ST8SIA1: variants seen among roughly 807,000 people sequenced by gnomAD.
ST8SIA1 encodes the protein alpha-N-acetylneuraminide alpha-2,8-sialyltransferase.
ST8SIA1 carries 16 observed loss-of-function variants against 35.9 expected under a neutral mutation model. The observed-to-expected ratio is 0.45, with a 90% CI of 0.30 to 0.68. ST8SIA1 has a LOEUF of 0.68. ST8SIA1 is among the 30% of genes least tolerant of loss of function. ST8SIA1 has a pLI of 0.09. For synonymous variants in ST8SIA1, 170 were observed against 169.6 expected, an observed-to-expected ratio of 1.00 and a Z score of -0.02; for missense variants, 383 against 453.6, an observed-to-expected ratio of 0.84 and a Z score of 1.41.
chr12:22,239,716 C>T (rs1024027906), intron 4 of ST8SIA1, among the ~76,000 whole-genome samples: 6 of 152,102 alleles, frequency 3.9e-5, no homozygotes, highest in African/African-American at 9.7e-5. Context: ...TGAGTGTTTG[C>T]TTATGAGCTA....
chr12:22,284,417 T>C (rs1304511960), intron 2 of ST8SIA1, among the ~76,000 whole-genome samples: 2 of 152,174 alleles, frequency 1.3e-5, no homozygotes, highest in African/African-American at 4.8e-5. Flanking sequence ...ACTGGGAACA[T>C]AAATGAAGCG....
intron 2 of ST8SIA1, among the ~76,000 whole-genome samples, chr12:22,283,097 G>C (rs11612147): frequency 0.11 from 16,287 of 152,146 alleles, 1,117 homozygotes; most frequent in Middle Eastern, 0.24. Flanking sequence ...TCCAGGCTCA[G>C]TGGAACATGA....
chr12:22,220,381 A>T (rs1038853846), intron 4 of ST8SIA1, among the ~76,000 whole-genome samples: 6 of 152,174 alleles, frequency 3.9e-5, no homozygotes, highest in Admixed American at 3.9e-4. Flanking sequence ...GTGTTTAATA[A>T]ATGCATATTG....
intron 2 of ST8SIA1, among the ~76,000 whole-genome samples, chr12:22,269,248 TG>T (rs767821306): frequency 2.0e-4 from 31 of 152,108 alleles, no homozygotes; most frequent in Non-Finnish European, 3.5e-4. Flanking sequence ...AATACAGGGT[TG>T]TTTTTTTTTT....
chr12:22,254,266 C>A lies in ST8SIA1; in HGVS notation c.491+1014G>T, dbSNP rs116179352. 2.6e-3 allele frequency among the ~76,000 whole-genome samples: 389 copies of A among 152,212 alleles called. 4 individuals carry two copies. Among genetic ancestry groups the A allele is most frequent in the African/African-American group, 8.9e-3 (371 of 41,536 alleles). On this transcript the variant is annotated intron_variant, in intron 3 of 4. Coordinates refer to ENST00000396037, the MANE Select transcript of ST8SIA1 (RefSeq NM_003034.4). Reference sequence around the variant, plus strand: ...AACATGTCCACTCATCCCCGAGATACCCTGAGCTCTGAAATCTTGCCCTCC... The same window carrying A: ...AACATGTCCACTCATCCCCGAGATAACCTGAGCTCTGAAATCTTGCCCTCC...
chr12:22,289,497 C>A (rs536558109), intron 1 of ST8SIA1, among the ~76,000 whole-genome samples: 4 of 152,286 alleles, frequency 2.6e-5, no homozygotes, highest in African/African-American at 9.6e-5. Context: ...GCTGTGTAAA[C>A]ACTGGCCAAC....
intron 2 of ST8SIA1, among the ~76,000 whole-genome samples, chr12:22,270,080 T>C (rs1764541072): frequency 6.6e-6 from 1 of 152,160 alleles, no homozygotes; most frequent in African/African-American, 2.4e-5. Flanking sequence ...TTGTAGCATA[T>C]TACCTAATTT....
intron 3 of ST8SIA1, among the ~76,000 whole-genome samples, chr12:22,250,563 T>C (rs1865657294): frequency 1.3e-5 from 2 of 152,220 alleles, no homozygotes; most frequent in South Asian, 2.1e-4. Flanking sequence ...AACTTTTTAT[T>C]ACTTCAGTAA....
At position 22,198,853 on chromosome 12, in the gene ST8SIA1, G is replaced by C. The variant is rs1422582674; in HGVS notation, c.*2699C>G. 6.6e-6 allele frequency: 1 copy of C among 152,018 alleles called. No individual in the cohort carries two copies. Among genetic ancestry groups the C allele is most frequent in the Non-Finnish European group, 1.5e-5 (1 of 68,006 alleles). The allele number at this position is 152,018 out of a possible 1,614,324, so 9.4% of individuals were successfully genotyped here. A position where few individuals can be genotyped will look rare whatever the true frequency, so the allele number is the denominator to read the frequency against. On this transcript the variant is annotated 3_prime_UTR_variant, in exon 5 of 5. Coordinates refer to ENST00000396037, the MANE Select transcript of ST8SIA1 (RefSeq NM_003034.4). Reference sequence around the variant, plus strand: ...TTGTGCATTGTAAGATCTTTAGCAGGATCCCTAACCTCTACTAAGTACATG... The same window carrying C: ...TTGTGCATTGTAAGATCTTTAGCAGCATCCCTAACCTCTACTAAGTACATG...
At chr12:22,209,864 T>C (rs1214971097) in intron 4 of ST8SIA1, among the ~76,000 whole-genome samples, 3 of 152,226 alleles carry the variant, frequency 2.0e-5, no homozygotes, top group Admixed American at 6.6e-5. Flanking sequence ...AATATTTTAT[T>C]ACATATACAT....
At chr12:22,333,764 C>A in intron 1 of ST8SIA1, 1 of 731,876 alleles carries the variant, frequency 1.4e-6, no homozygotes, top group Non-Finnish European at 2.5e-6. Context: ...TGCGTCGAGT[C>A]TTTACATGCG....
intron 1 of ST8SIA1, among the ~76,000 whole-genome samples, chr12:22,310,513 G>A (rs1276414806): frequency 6.6e-6 from 1 of 152,142 alleles, no homozygotes; most frequent in Non-Finnish European, 1.5e-5. Context: ...CGATTGCCTA[G>A]AGACCATATG....
intron 2 of ST8SIA1, among the ~76,000 whole-genome samples, chr12:22,259,714 C>T (rs1319009974): frequency 1.3e-5 from 2 of 152,126 alleles, no homozygotes; most frequent in Non-Finnish European, 2.9e-5. Context: ...GATCCGCCTG[C>T]CTCGGCCTCC....
intron 4 of ST8SIA1, among the ~76,000 whole-genome samples, chr12:22,206,357 T>C (rs533585278): frequency 6.6e-6 from 1 of 152,198 alleles, no homozygotes; most frequent in African/African-American, 2.4e-5. Context: ...CAGGAGATAC[T>C]AGGGAAAGTG....
At chr12:22,258,024 G>A (rs1169740426) in intron 2 of ST8SIA1, among the ~76,000 whole-genome samples, 1 of 151,690 alleles carries the variant, frequency 6.6e-6, no homozygotes, top group African/African-American at 2.4e-5. Flanking sequence ...CCAGAATCTG[G>A]CTGCTTCTCA....
chr12:22,268,337 T>G (rs1397532996), intron 2 of ST8SIA1, among the ~76,000 whole-genome samples: 1 of 152,158 alleles, frequency 6.6e-6, no homozygotes, highest in Non-Finnish European at 1.5e-5. Flanking sequence ...CAAAATGAAA[T>G]GCCTACACAA....
intron 4 of ST8SIA1, among the ~76,000 whole-genome samples, chr12:22,207,591 G>C (rs896059499): frequency 6.6e-6 from 1 of 152,064 alleles, no homozygotes; most frequent in African/African-American, 2.4e-5. Flanking sequence ...TGTCATACAA[G>C]TTAATTTTTC....
chr12:22,215,434 A>C (rs1223722345), intron 4 of ST8SIA1, among the ~76,000 whole-genome samples: 1 of 152,218 alleles, frequency 6.6e-6, no homozygotes, highest in Non-Finnish European at 1.5e-5. Flanking sequence ...CTTTCATTCA[A>C]GTAAGAAGAG....
At chr12:22,333,289 G>A (rs1866792862) in intron 1 of ST8SIA1, among the ~76,000 whole-genome samples, 2 of 152,178 alleles carry the variant, frequency 1.3e-5, no homozygotes, top group Non-Finnish European at 2.9e-5. Context: ...AAAGAGCTGG[G>A]AGCTTTGGAG....
Sources: allele counts gnomAD v4.1 joint callset (sites outside exome capture counted in the v4.1 genomes callset), GRCh38; gene constraint gnomAD v4.1.1; transcripts MANE v1.5; gene names NCBI Gene and HGNC (gene_info 2026-07-23, HGNC 2026-07-21).